Variants in PCBD2 observed in about 807,000 individuals in gnomAD.
PCBD2 encodes the protein pterin-4 alpha-carbinolamine dehydratase 2.
PCBD2 carries 12 observed loss-of-function variants against 16.4 expected under a neutral mutation model. That is an observed-to-expected ratio of 0.73 (90% CI 0.47 to 1.19). The LOEUF (loss-of-function observed/expected upper bound fraction) is 1.19. Ranked by LOEUF, PCBD2 falls within the 50% of genes most tolerant of loss-of-function variation. PCBD2 has a pLI of 0.00. For synonymous variants in PCBD2, 58 were observed against 61.8 expected (o/e 0.94, Z 0.29); for missense variants, 138 against 156.8 (o/e 0.88, Z 0.64).
chr5:134,938,351 C>T (rs1298330816), intron 2 of PCBD2, among the ~76,000 whole-genome samples: 1 of 152,210 alleles, frequency 6.6e-6, no homozygotes, highest in African/African-American at 2.4e-5. Context: ...GTCATTTTCT[C>T]ACTAAGGAAC....
chr5:134,947,705 A>G (rs1751313702), intron 2 of PCBD2, among the ~76,000 whole-genome samples: 2 of 151,978 alleles, frequency 1.3e-5, no homozygotes, highest in African/African-American at 4.8e-5. Context: ...TCAATTTTTA[A>G]AAATATATTT....
chr5:134,917,578 A>G (rs552476376), intron 2 of PCBD2, among the ~76,000 whole-genome samples: 11 of 152,384 alleles, frequency 7.2e-5, no homozygotes, highest in Admixed American at 6.5e-4. Flanking sequence ...CCAGCAGGGC[A>G]TTCAGTCATA....
At position 134,918,506 on chromosome 5, in the gene PCBD2, A is replaced by G. The variant is rs319591; in HGVS notation, c.216+8040A>G. 5.8e-3 allele frequency among the ~76,000 whole-genome samples: 882 copies of G among 152,322 alleles called. 3 individuals are homozygous for G. Among genetic ancestry groups the G allele is most frequent in the Middle Eastern group, 0.017 (5 of 294 alleles). On this transcript the variant is annotated intron_variant, in intron 2 of 3. Transcript: ENST00000254908. ...GGCGACAGAGTACTCCATCTCAAAAAATAAAATAAAATAAAAATTAAAAAA... is the reference window on the plus strand; with the variant it reads ...GGCGACAGAGTACTCCATCTCAAAAGATAAAATAAAATAAAAATTAAAAAA...
At chr5:134,907,288 A>G (rs543170705) in intron 1 of PCBD2, among the ~76,000 whole-genome samples, 1 of 152,254 alleles carries the variant, frequency 6.6e-6, no homozygotes, top group African/African-American at 2.4e-5. Context: ...TCTGTTGCCC[A>G]GACTGGAGTG....
chr5:134,957,564 GGC>G (rs1334897613), intron 2 of PCBD2, among the ~76,000 whole-genome samples: 1 of 152,188 alleles, frequency 6.6e-6, no homozygotes, highest in African/African-American at 2.4e-5. Flanking sequence ...CTCCTTGGGA[GGC>G]TGAGGCAGGA....
rs765401141 is a variant in PCBD2 at position 134,947,679 on chromosome 5, G to A, written c.217-11361G>A. 2.4e-4 allele frequency among the ~76,000 whole-genome samples: 36 copies of A among 151,948 alleles called. 1 individual carries two copies. The highest frequency in any genetic ancestry group is 7.2e-4 in the African/African-American group (30 of 41,432). ...TGAGATTACAGATGTGAGCCACCGC[G>A]CTCGGCCCCCTGACCTCAATTTTTA... is the stretch of plus-strand genomic sequence containing the variant. On this transcript the variant is annotated intron_variant, in intron 2 of 3. Transcript: ENST00000254908.
At chr5:134,914,721 G>T (rs1390552574) in intron 2 of PCBD2, among the ~76,000 whole-genome samples, 1 of 151,900 alleles carries the variant, frequency 6.6e-6, no homozygotes, top group African/African-American at 2.4e-5. Context: ...ACCCAGTCTG[G>T]AGTACAATGG....
chr5:134,924,555 T>C (rs1244454070), intron 2 of PCBD2: 2 of 398,532 alleles, frequency 5.0e-6, no homozygotes, highest in African/African-American at 4.1e-5. Flanking sequence ...TGCGGGGGCT[T>C]TGTATGATTA....
chr5:134,918,679 G>C (rs1332054130), intron 2 of PCBD2, among the ~76,000 whole-genome samples: 1 of 152,150 alleles, frequency 6.6e-6, no homozygotes, highest in Admixed American at 6.5e-5. Context: ...ACCTGAGAAA[G>C]TGTTCATAGT....
At chr5:134,929,158 AG>A in intron 2 of PCBD2, among the ~76,000 whole-genome samples, 1 of 152,246 alleles carries the variant, frequency 6.6e-6, no homozygotes, top group East Asian at 1.9e-4. Flanking sequence ...GAGTTAGAAG[AG>A]GAGGAGTTGG....
At chr5:134,952,807 TAA>T (rs565332391) in intron 2 of PCBD2, among the ~76,000 whole-genome samples, 20 of 139,448 alleles carry the variant, frequency 1.4e-4, no homozygotes, top group Non-Finnish European at 1.9e-4. Context: ...CCCTGTCTCT[TAA>T]AAAAAAAAAA....
intron 2 of PCBD2, among the ~76,000 whole-genome samples, chr5:134,941,323 C>CT (rs1487517609): frequency 2.0e-5 from 3 of 152,064 alleles, no homozygotes; most frequent in Non-Finnish European, 4.4e-5. Context: ...TAATTGGTTG[C>CT]TTTAATAGGT....
intron 2 of PCBD2, among the ~76,000 whole-genome samples, chr5:134,933,428 G>T (rs1751121564): frequency 6.6e-6 from 1 of 151,968 alleles, no homozygotes; most frequent in Admixed American, 6.6e-5. Flanking sequence ...TAGAGACTGG[G>T]TTTTGCCATA....
rs1219107852 is a variant in PCBD2, at chr5:134,915,893, T to A, written c.216+5427T>A. On this transcript the variant is annotated intron_variant, in intron 2 of 3. Transcript: ENST00000254908. The stretch of plus-strand genomic sequence containing the variant: ...ATATACTCATAGCAATGGCAGCACC[T>A]CTCCTGGCCTGAGCTCTACAGACTG... 2.0e-5 allele frequency among the ~76,000 whole-genome samples: 3 copies of A among 152,048 alleles called. No individual in the cohort carries two copies. In the East Asian group the frequency reaches 5.8e-4, roughly 29 times the overall value.
At chr5:134,959,194 G>A in intron 3 of PCBD2, 74 bp downstream of exon 3, 1 of 1,129,502 alleles carries the variant, frequency 8.9e-7, no homozygotes, top group South Asian at 1.4e-5. Flanking sequence ...TTGTCATCTT[G>A]TGCAGCTAAA....
At chr5:134,912,658 T>C (rs190568341) in intron 2 of PCBD2, among the ~76,000 whole-genome samples, 202 of 152,350 alleles carry the variant, frequency 1.3e-3, no homozygotes, top group Non-Finnish European at 2.1e-3. Context: ...ATTTTGTGGC[T>C]TGGACAATGT....
intron 2 of PCBD2, among the ~76,000 whole-genome samples, chr5:134,946,210 G>A (rs1751293521): frequency 1.3e-5 from 2 of 151,860 alleles, no homozygotes; most frequent in Admixed American, 6.6e-5. Context: ...AAAATAACAG[G>A]TTAAGGATAA....
chr5:134,951,167 TCTC>T (rs1751355294), intron 2 of PCBD2, among the ~76,000 whole-genome samples: 1 of 152,152 alleles, frequency 6.6e-6, no homozygotes, highest in African/African-American at 2.4e-5. Context: ...CACTCTCCAC[TCTC>T]CTCATCTTTC....
intron 2 of PCBD2, among the ~76,000 whole-genome samples, chr5:134,929,614 G>A (rs1751068249): frequency 1.3e-5 from 2 of 152,186 alleles, no homozygotes; most frequent in South Asian, 2.1e-4. Flanking sequence ...ACATTAGTCT[G>A]TTGTCTTTTC....
Sources: gnomAD v4.1 joint callset for allele counts (sites outside exome capture counted in the v4.1 genomes callset) on GRCh38, gnomAD v4.1.1 for gene constraint, MANE v1.5 for transcripts, NCBI Gene and HGNC (gene_info 2026-07-23, HGNC 2026-07-21) for gene names.